LINGO2: variants seen among roughly 807,000 people sequenced by gnomAD.
LINGO2 encodes leucine rich repeat and Ig domain containing 2, also known as leucine-rich repeat and immunoglobulin-like domain-containing nogo receptor-interacting protein 2.
Under a neutral mutation model 30.6 loss-of-function variants are expected in LINGO2, and 14 were observed. The ratio of observed to expected loss-of-function variants is 0.46; its 90% CI spans 0.30 to 0.72. The LOEUF (loss-of-function observed/expected upper bound fraction) is 0.72. LINGO2 is among the 30% of genes least tolerant of loss of function. The probability of loss-of-function intolerance (pLI) is 0.07; values close to 1 mark genes in which losing one functional copy is unlikely to be tolerated. For synonymous variants in LINGO2, 317 were observed against 288.5 expected (o/e 1.10, Z -1.00); for missense variants, 729 against 751.7 (o/e 0.97, Z 0.35).
intron 4 of LINGO2, among the ~76,000 whole-genome samples, chr9:28,209,077 ACCTGTAATAAG>A (rs1820505474): frequency 6.6e-6 from 1 of 152,022 alleles, no homozygotes; most frequent in African/African-American, 2.4e-5. Context: ...GAGCAAAAAT[ACCTGTAATAAG>A]CTTATGTAAT....
chr9:28,154,921 T>C (rs1828092532), intron 4 of LINGO2, among the ~76,000 whole-genome samples: 2 of 152,222 alleles, frequency 1.3e-5, no homozygotes, highest in Admixed American at 1.3e-4. Context: ...GTTTTAAAAA[T>C]CATGAATCAC....
intron 2 of LINGO2, among the ~76,000 whole-genome samples, chr9:28,461,264 A>T (rs948001691): frequency 4.6e-5 from 7 of 152,144 alleles, no homozygotes; most frequent in Non-Finnish European, 1.0e-4. Flanking sequence ...ACAATTCTTG[A>T]TCTGCCTCAC....
intron 3 of LINGO2, among the ~76,000 whole-genome samples, chr9:28,298,511 A>AAG (rs1319454456): frequency 1.3e-5 from 2 of 150,852 alleles, no homozygotes; most frequent in South Asian, 2.1e-4. Flanking sequence ...AAAAAAAAAA[A>AAG]AAAGAAAGAA....
At chr9:27,959,669 A>G (rs1173624778) in intron 5 of LINGO2, among the ~76,000 whole-genome samples, 1 of 152,126 alleles carries the variant, frequency 6.6e-6, no homozygotes, top group Non-Finnish European at 1.5e-5. Flanking sequence ...GAAACCTACT[A>G]TGATTGTTTT....
At chr9:28,162,160 A>G (rs1000339758) in intron 4 of LINGO2, among the ~76,000 whole-genome samples, 3 of 152,160 alleles carry the variant, frequency 2.0e-5, no homozygotes, top group Non-Finnish European at 4.4e-5. Flanking sequence ...TTAGGCAGAA[A>G]GAAACTTATG....
At chr9:28,362,672 G>C (rs948347901) in intron 3 of LINGO2, among the ~76,000 whole-genome samples, 1 of 151,984 alleles carries the variant, frequency 6.6e-6, no homozygotes, top group Non-Finnish European at 1.5e-5. Context: ...GTTTCTCCAC[G>C]TTGGTCAGGC....
chr9:28,883,653 TA>T, the LINGO2 span, among the ~76,000 whole-genome samples: 1 of 126,200 alleles, frequency 7.9e-6, no homozygotes, highest in African/African-American at 2.8e-5. Context: ...TATATATATA[TA>T]TATATATATA....
chr9:28,994,336 C>G, the LINGO2 span, among the ~76,000 whole-genome samples: 5 of 151,826 alleles, frequency 3.3e-5, no homozygotes, highest in African/African-American at 9.7e-5. Flanking sequence ...ACTTCAAGGA[C>G]AACTACAAAC....
chr9:28,841,897 A>G, the LINGO2 span, among the ~76,000 whole-genome samples: 12 of 151,764 alleles, frequency 7.9e-5, no homozygotes, highest in Non-Finnish European at 1.8e-4. Context: ...GAGAGCTAAT[A>G]AAAACCGCCT....
chr9:29,087,956 AT>A, the LINGO2 span, among the ~76,000 whole-genome samples: 1 of 152,156 alleles, frequency 6.6e-6, no homozygotes, highest in Non-Finnish European at 1.5e-5. Flanking sequence ...GATAAGTTAT[AT>A]GCTGGCACAT....
At chr9:28,125,077 T>C (rs1194753073) in intron 4 of LINGO2, among the ~76,000 whole-genome samples, 1 of 152,218 alleles carries the variant, frequency 6.6e-6, no homozygotes, top group Non-Finnish European at 1.5e-5. Context: ...GGTAGGACAT[T>C]CAGAACTCTG....
chr9:28,682,416 G>T, the LINGO2 span, among the ~76,000 whole-genome samples: 1 of 151,948 alleles, frequency 6.6e-6, no homozygotes. Context: ...TTAATGAAGG[G>T]GTCATAACCA....
chr9:29,184,966 G>A, the LINGO2 span, among the ~76,000 whole-genome samples: 1 of 152,144 alleles, frequency 6.6e-6, no homozygotes, highest in African/African-American at 2.4e-5. Context: ...AAAACACAGT[G>A]ATTAAAAATA....
the LINGO2 span, among the ~76,000 whole-genome samples, chr9:28,971,990 C>T: frequency 6.6e-6 from 1 of 152,202 alleles, no homozygotes; most frequent in Admixed American, 6.5e-5. Context: ...GGGAAGAGAA[C>T]AAGAGTCTCT....
chr9:28,374,596 T>C (rs1331111965), intron 2 of LINGO2, among the ~76,000 whole-genome samples: 2 of 152,096 alleles, frequency 1.3e-5, no homozygotes, highest in Non-Finnish European at 2.9e-5. Context: ...GCCAGATCTG[T>C]ACAACCAGAG....
chr9:28,811,726 A>G, the LINGO2 span, among the ~76,000 whole-genome samples: 9 of 152,180 alleles, frequency 5.9e-5, no homozygotes, highest in South Asian at 1.7e-3. Flanking sequence ...TTTAACCATA[A>G]TTTTGCAGTT....
intron 2 of LINGO2, among the ~76,000 whole-genome samples, chr9:28,382,286 G>GT (rs757963446): frequency 1.3e-5 from 2 of 152,030 alleles, no homozygotes; most frequent in East Asian, 3.8e-4. Context: ...TGAAAGCATT[G>GT]TTACAAAATC....
At chr9:28,844,533 C>T in the LINGO2 span, among the ~76,000 whole-genome samples, 4 of 151,730 alleles carry the variant, frequency 2.6e-5, no homozygotes, top group South Asian at 2.1e-4. Context: ...AAAATACTAA[C>T]TTTAACAACA....
rs529157500 is a variant in LINGO2 at position 28,585,128 on chromosome 9, G to A, written c.-365+85072C>T. Reference sequence around the variant, plus strand: ...CACGTAATTTAGATACTCATAATTCGTTTCATGTAAATGACAATAGTGTTT... The same window carrying A: ...CACGTAATTTAGATACTCATAATTCATTTCATGTAAATGACAATAGTGTTT... On this transcript the variant is annotated intron_variant, in intron 1 of 5. Coordinates refer to ENST00000379992, the Ensembl canonical transcript of LINGO2. Among the ~76,000 whole-genome samples the A allele has an allele frequency of 2.0e-4, 31 of 152,040 alleles. No individual in the cohort carries two copies. In the East Asian group the frequency reaches 2.5e-3, roughly 12 times the overall value.
Sources: allele counts gnomAD v4.1 joint callset (sites outside exome capture counted in the v4.1 genomes callset), GRCh38; gene constraint gnomAD v4.1.1; transcripts MANE v1.5; gene names NCBI Gene and HGNC (gene_info 2026-07-23, HGNC 2026-07-21).